CNTN5: variants seen among roughly 807,000 people sequenced by gnomAD.
CNTN5 encodes the protein contactin-5.
CNTN5 carries 77 observed loss-of-function variants against 129.1 expected under a neutral mutation model. The observed-to-expected ratio is 0.60, with a 90% CI of 0.50 to 0.72. The LOEUF is 0.72. Among genes scored for constraint, CNTN5 ranks in the 30% least tolerant of loss-of-function variants. CNTN5 has a pLI of 0.00. For missense variants in CNTN5, 1,478 were observed against 1,328.8 expected (o/e 1.11, Z -1.75); for synonymous variants, 509 against 465.6 (o/e 1.09, Z -1.20).
intron 2 of CNTN5, among the ~76,000 whole-genome samples, chr11:99,341,638 G>T (rs1866518457): frequency 6.6e-6 from 1 of 152,100 alleles, no homozygotes; most frequent in East Asian, 1.9e-4. Context: ...CACATGTCTT[G>T]TACTCTTTGT....
chr11:100,328,856 G>A (rs1951842625), intron 21 of CNTN5, among the ~76,000 whole-genome samples: 1 of 152,208 alleles, frequency 6.6e-6, no homozygotes, highest in African/African-American at 2.4e-5. Context: ...AGCAGCATGT[G>A]AAAACTCACA....
intron 13 of CNTN5, among the ~76,000 whole-genome samples, chr11:100,125,856 T>C (rs777686892): frequency 2.1e-4 from 32 of 152,138 alleles, no homozygotes; most frequent in Admixed American, 1.2e-3. Flanking sequence ...TAGAGTTGGG[T>C]TTAATTATTG....
chr11:99,049,301 A>G (rs888658856), intron 1 of CNTN5, among the ~76,000 whole-genome samples: 4 of 152,146 alleles, frequency 2.6e-5, no homozygotes, highest in Admixed American at 6.6e-5. Flanking sequence ...TATTTACCTG[A>G]GTTAGGTAGA....
chr11:99,883,119 A>T (rs1304161605), intron 6 of CNTN5, among the ~76,000 whole-genome samples: 1 of 152,088 alleles, frequency 6.6e-6, no homozygotes, highest in East Asian at 1.9e-4. Context: ...TCATTCATCT[A>T]TTGATGGACA....
chr11:99,669,631 T>G (rs966325918), intron 3 of CNTN5, among the ~76,000 whole-genome samples: 16 of 152,126 alleles, frequency 1.1e-4, no homozygotes, highest in Non-Finnish European at 1.5e-4. Flanking sequence ...AGCAAACAAT[T>G]GTGACAGCAA....
chr11:100,083,327 AAAAAAG>A (rs1944431021), intron 13 of CNTN5, among the ~76,000 whole-genome samples: 1 of 151,560 alleles, frequency 6.6e-6, no homozygotes. Flanking sequence ...CAAAAAAAAA[AAAAAAG>A]AGAGATGGGA....
chr11:99,047,051 G>A (rs1355376329), intron 1 of CNTN5, among the ~76,000 whole-genome samples: 3 of 151,728 alleles, frequency 2.0e-5, no homozygotes, highest in African/African-American at 7.2e-5. Flanking sequence ...ATTCTGCTGT[G>A]TCCATCTATC....
chr11:99,830,900 A>G (rs1226192991), intron 4 of CNTN5, among the ~76,000 whole-genome samples: 2 of 152,188 alleles, frequency 1.3e-5, no homozygotes, highest in East Asian at 3.9e-4. Flanking sequence ...AATATTAAAT[A>G]AGCAGGAACC....
At chr11:99,723,837 TCTTC>T (rs1943252092) in intron 3 of CNTN5, among the ~76,000 whole-genome samples, 2 of 152,262 alleles carry the variant, frequency 1.3e-5, no homozygotes, top group South Asian at 4.2e-4. Context: ...GATCTTATAA[TCTTC>T]CTTTTACAAA....
intron 7 of CNTN5, among the ~76,000 whole-genome samples, chr11:99,921,067 A>T (rs762232716): frequency 1.3e-5 from 2 of 152,172 alleles, no homozygotes; most frequent in Non-Finnish European, 2.9e-5. Flanking sequence ...CTCATCAGAA[A>T]CCAACCATGC....
intron 2 of CNTN5, among the ~76,000 whole-genome samples, chr11:99,409,895 A>G (rs1942311999): frequency 1.3e-5 from 2 of 152,246 alleles, no homozygotes; most frequent in Admixed American, 6.5e-5. Context: ...ATAAATTGTC[A>G]TTAAGACACA....
intron 8 of CNTN5, among the ~76,000 whole-genome samples, chr11:99,972,858 G>A (rs995799621): frequency 6.6e-6 from 1 of 152,054 alleles, no homozygotes; most frequent in African/African-American, 2.4e-5. Context: ...TTAGGAATCT[G>A]CATTTTCCAC....
At chr11:99,874,733 T>C (rs939375507) in intron 6 of CNTN5, among the ~76,000 whole-genome samples, 1 of 152,188 alleles carries the variant, frequency 6.6e-6, no homozygotes, top group Non-Finnish European at 1.5e-5. Flanking sequence ...AGTCAACAAA[T>C]TGAATTATTT....
At chr11:99,645,380 G>C (rs1318087686) in intron 3 of CNTN5, among the ~76,000 whole-genome samples, 2 of 150,460 alleles carry the variant, frequency 1.3e-5, no homozygotes, top group Non-Finnish European at 3.0e-5. Context: ...TATATACCCA[G>C]TACCCAGTAA....
At chr11:99,963,910 C>G in intron 8 of CNTN5, among the ~76,000 whole-genome samples, 1 of 152,050 alleles carries the variant, frequency 6.6e-6, no homozygotes. Context: ...ATTTTATTCT[C>G]TTTGAAGCAA....
rs377510625 is a variant in CNTN5 at position 99,073,763 on chromosome 11, A to G, written c.-210+52493A>G. 4.6e-5 allele frequency among the ~76,000 whole-genome samples: 7 copies of G among 152,202 alleles called. No homozygotes were observed. The East Asian group carries it at 1.2e-3, about 25-fold the overall frequency. On this transcript the variant is annotated intron_variant, in intron 1 of 24. Transcript: ENST00000524871. ...ATGGCTGCATAGTATTCCATGGTAT[A>G]TATGTGCCACATTTTCTTTATCCAG...
chr11:99,779,955 G>T (rs1945255272), intron 3 of CNTN5, among the ~76,000 whole-genome samples: 1 of 151,874 alleles, frequency 6.6e-6, no homozygotes. Flanking sequence ...AATGTTCCAT[G>T]GCGCAATGAT....
chr11:99,168,539 C>T (rs963812650), intron 1 of CNTN5, among the ~76,000 whole-genome samples: 2 of 151,094 alleles, frequency 1.3e-5, no homozygotes, highest in African/African-American at 4.8e-5. Flanking sequence ...GAGACCACAC[C>T]ATTGCACTCC....
chr11:100,043,039 G>C (rs1450080790), intron 9 of CNTN5, among the ~76,000 whole-genome samples: 6 of 152,150 alleles, frequency 3.9e-5, no homozygotes, highest in Admixed American at 3.9e-4. Flanking sequence ...GTTTGTGCTT[G>C]TGAGCAATAA....
Sources: gnomAD v4.1 joint callset for allele counts (sites outside exome capture counted in the v4.1 genomes callset) on GRCh38, gnomAD v4.1.1 for gene constraint, MANE v1.5 for transcripts, NCBI Gene and HGNC (gene_info 2026-07-23, HGNC 2026-07-21) for gene names.